The following CTSO variants were observed in gnomAD, a reference collection of about 807,000 sequenced individuals.
The protein encoded by CTSO is cathepsin O.
CTSO carries 40 observed loss-of-function variants against 42.4 expected under a neutral mutation model. The ratio of observed to expected loss-of-function variants is 0.94; its 90% CI spans 0.73 to 1.23. The LOEUF is 1.23. Ranked by LOEUF, CTSO falls within the 50% of genes most tolerant of loss-of-function variation. CTSO has a pLI of 0.00. For synonymous variants in CTSO, 156 were observed against 146.2 expected (o/e 1.07, Z -0.48); for missense variants, 441 against 396.0 (o/e 1.11, Z -0.96).
chr4:155,940,266 A>C (rs1743405495), intron 3 of CTSO, among the ~76,000 whole-genome samples: 1 of 150,678 alleles, frequency 6.6e-6, no homozygotes, highest in African/African-American at 2.5e-5. Context: ...GAGGAGACAG[A>C]GGGAATGAAA....
At chr4:155,947,942 C>T (rs1178747088) in intron 1 of CTSO, among the ~76,000 whole-genome samples, 1 of 152,220 alleles carries the variant, frequency 6.6e-6, no homozygotes, top group East Asian at 1.9e-4. Flanking sequence ...ACATAGGAAA[C>T]TTCTCATTGA....
intron 3 of CTSO, among the ~76,000 whole-genome samples, chr4:155,940,791 C>T (rs974539062): frequency 1.3e-5 from 2 of 150,962 alleles, no homozygotes; most frequent in African/African-American, 2.4e-5. Flanking sequence ...TGCAGTGAGC[C>T]GAGATCGCAT....
chr4:155,953,080 TA>T (rs751670807), intron 1 of CTSO, among the ~76,000 whole-genome samples: 8 of 150,264 alleles, frequency 5.3e-5, no homozygotes, highest in Non-Finnish European at 1.0e-4. Context: ...AAATATAAAT[TA>T]TATTATATTT....
At chr4:155,929,426 G>T (rs1417179914) in intron 6 of CTSO, 116 bp downstream of exon 6, 1 of 1,002,544 alleles carries the variant, frequency 1.0e-6, no homozygotes, top group Non-Finnish European at 1.4e-6. Flanking sequence ...AGTTGTGAAG[G>T]TCTTATGAGG....
chr4:155,948,207 T>A (rs901462455), intron 1 of CTSO, among the ~76,000 whole-genome samples: 2 of 152,172 alleles, frequency 1.3e-5, no homozygotes, highest in Non-Finnish European at 2.9e-5. Flanking sequence ...ACATGTCCCT[T>A]GGGCATTAGT....
intron 1 of CTSO, among the ~76,000 whole-genome samples, chr4:155,947,890 T>C (rs1743576329): frequency 6.6e-6 from 1 of 152,200 alleles, no homozygotes; most frequent in African/African-American, 2.4e-5. Flanking sequence ...ACCTGAACCT[T>C]AACTTCATTT....
chr4:155,925,901 TA>T lies in CTSO; in HGVS notation c.*134del. On this transcript the variant is annotated 3_prime_UTR_variant, in exon 8 of 8. Coordinates refer to ENST00000433477, the MANE Select transcript of CTSO (RefSeq NM_001334.3). ...GAAGGGAACATTCTGAAACTTAGTT[TA>T]AATACTACTAGGCCTTAGAATCTTT... 1 of 757,060 alleles carries T rather than the reference TA, an allele frequency of 1.3e-6. No individual in the cohort carries two copies. Among genetic ancestry groups the T allele is most frequent in the Non-Finnish European group, 2.2e-6 (1 of 463,112 alleles). 46.9% of individuals were successfully genotyped at this position (757,060 alleles called of 1,614,324 possible).
intron 7 of CTSO, among the ~76,000 whole-genome samples, chr4:155,927,634 G>T (rs567726509): frequency 2.0e-5 from 3 of 152,138 alleles, no homozygotes; most frequent in African/African-American, 7.2e-5. Context: ...AATCAGCCAG[G>T]TGTGGTGGCG....
chr4:155,943,646 A>G (rs1343874047), intron 1 of CTSO, among the ~76,000 whole-genome samples: 1 of 152,184 alleles, frequency 6.6e-6, no homozygotes, highest in African/African-American at 2.4e-5. Context: ...TGGTTAAACA[A>G]TTATGAATAT....
intron 7 of CTSO, among the ~76,000 whole-genome samples, chr4:155,927,603 A>G (rs549578875): frequency 1.7e-4 from 26 of 152,186 alleles, no homozygotes; most frequent in Non-Finnish European, 3.2e-4. Context: ...CCTCGTCTCT[A>G]CTAAAAATAC....
rs189917317 is a variant in CTSO at position 155,933,803 on chromosome 4, C to T, written c.674+3559G>A. Among the ~76,000 whole-genome samples the T allele has an allele frequency of 4.6e-3, 695 of 152,072 alleles. 3 individuals carry two copies. Among genetic ancestry groups the T allele is most frequent in the African/African-American group, 0.015 (603 of 41,478 alleles). On this transcript the variant is annotated intron_variant, in intron 5 of 7. Transcript: ENST00000433477. Reference sequence around the variant, plus strand: ...GAGAGAGATGATTTAGGGTATCTGGCGGAAGAAATTTCTAAGCAGCAAAGC... The same window carrying T: ...GAGAGAGATGATTTAGGGTATCTGGTGGAAGAAATTTCTAAGCAGCAAAGC...
chr4:155,929,440 T>C, intron 6 of CTSO, 102 bp downstream of exon 6: 1 of 1,220,614 alleles, frequency 8.2e-7, no homozygotes, highest in South Asian at 1.6e-5. Context: ...TATGAGGACT[T>C]AATCATAGCA....
intron 1 of CTSO, among the ~76,000 whole-genome samples, chr4:155,953,046 TA>T (rs1334921619): frequency 5.3e-5 from 8 of 151,032 alleles, no homozygotes; most frequent in Admixed American, 5.3e-4. Flanking sequence ...GACTCAAATC[TA>T]AGTATTTATT....
At chr4:155,953,359 A>G (rs1342152614) in intron 1 of CTSO, among the ~76,000 whole-genome samples, 1 of 152,136 alleles carries the variant, frequency 6.6e-6, no homozygotes, top group African/African-American at 2.4e-5. Context: ...AGAGCTTTGG[A>G]AGCCAGTGGC....
chr4:155,953,127 CT>C (rs1237920476), intron 1 of CTSO, among the ~76,000 whole-genome samples: 1 of 151,868 alleles, frequency 6.6e-6, no homozygotes, highest in African/African-American at 2.4e-5. Context: ...AAATGCTTCT[CT>C]TTTCTTCAAC....
chr4:155,942,475 T>C lies in CTSO; in HGVS notation c.245-19A>G. 3 of 1,421,186 alleles carry C rather than the reference T, an allele frequency of 2.1e-6. No homozygotes were observed. Among genetic ancestry groups the C allele is most frequent in the Non-Finnish European group, 1.9e-6 (2 of 1,066,920 alleles). The allele number at this position is 1,421,186 out of a possible 1,614,324, so 88.0% of individuals were successfully genotyped here. On this transcript the variant is annotated intron_variant, in intron 2 of 7. Transcript: ENST00000433477. The stretch of plus-strand genomic sequence containing the variant: ...TAAATGGCTGAGTAGAAACATAAAA[T>C]GAAAATACAACCAATATTATATTAC...
chr4:155,925,448 C>T lies in CTSO; in HGVS notation c.*588G>A, dbSNP rs1743113690. 2.0e-5 allele frequency: 3 copies of T among 152,154 alleles called. No homozygotes were observed. Among genetic ancestry groups the T allele is most frequent in the Non-Finnish European group, 4.4e-5 (3 of 68,040 alleles). 9.4% of individuals were successfully genotyped at this position (152,154 alleles called of 1,614,324 possible). A position where few individuals can be genotyped will look rare whatever the true frequency, so the allele number is the denominator to read the frequency against. ...CTGAAGCGATTTTGCCCTTTTCCTT[C>T]CTTCTACGTGGTCACTCTGCTGTTC... On this transcript the variant is annotated 3_prime_UTR_variant, in exon 8 of 8. Coordinates refer to ENST00000433477, the MANE Select transcript of CTSO (RefSeq NM_001334.3).
At chr4:155,930,657 C>T (rs915997130) in intron 5 of CTSO, among the ~76,000 whole-genome samples, 1 of 152,018 alleles carries the variant, frequency 6.6e-6, no homozygotes, top group Admixed American at 6.6e-5. Context: ...GGTAATAATC[C>T]ACTAATAAGT....
At chr4:155,929,807 G>C in intron 5 of CTSO, 102 bp from the exon 6 acceptor site, 1 of 1,103,986 alleles carries the variant, frequency 9.1e-7, no homozygotes, top group Non-Finnish European at 1.3e-6. Flanking sequence ...TTTGGTTGCA[G>C]TTACAAAGGA....
Sources: allele counts gnomAD v4.1 joint callset (sites outside exome capture counted in the v4.1 genomes callset), GRCh38; gene constraint gnomAD v4.1.1; transcripts MANE v1.5; gene names NCBI Gene and HGNC (gene_info 2026-07-23, HGNC 2026-07-21).